The following SLC36A2 variants were observed in gnomAD, a reference collection of about 807,000 sequenced individuals.
The protein encoded by SLC36A2 is solute carrier family 36 member 2.
Under a neutral mutation model 42.7 loss-of-function variants are expected in SLC36A2, and 39 were observed. The observed-to-expected ratio is 0.91, with a 90% confidence interval of 0.71 to 1.19. SLC36A2 has a LOEUF of 1.19. Among genes scored for constraint, SLC36A2 ranks in the 50% most tolerant of loss-of-function variants. The pLI is 0.00. For missense variants in SLC36A2, 590 were observed against 613.7 expected, an observed-to-expected ratio of 0.96 and a Z score of 0.41; for synonymous variants, 237 against 240.8, an observed-to-expected ratio of 0.98 and a Z score of 0.15.
rs373850386 is a variant in SLC36A2 at position 151,322,223 on chromosome 5, A to T, written c.1011-8T>A. ...TTGACAGACTGGTACAGCCTGCAAG[A>T]CAAACCACAGAGCTGCTCTCCACGG... is the stretch of plus-strand genomic sequence containing the variant. On this transcript the variant is annotated splice_polypyrimidine_tract_variant and splice_region_variant and intron_variant, in intron 8 of 9. Coordinates refer to ENST00000335244, the MANE Select transcript of SLC36A2 (RefSeq NM_181776.3). The T allele has an allele frequency of 5.0e-6, 8 of 1,613,840 alleles. No individual in the cohort carries two copies. Among genetic ancestry groups the T allele is most frequent in the Non-Finnish European group, 6.8e-6 (8 of 1,179,914 alleles).
At chr5:151,329,505 CAA>C (rs1755939161) in intron 7 of SLC36A2, among the ~76,000 whole-genome samples, 1 of 152,112 alleles carries the variant, frequency 6.6e-6, no homozygotes, top group South Asian at 2.1e-4. Flanking sequence ...CAATATTAGG[CAA>C]AGACTTTAAA....
chr5:151,320,728 G>C (rs1287628423), intron 9 of SLC36A2, among the ~76,000 whole-genome samples: 1 of 152,232 alleles, frequency 6.6e-6, no homozygotes, highest in Non-Finnish European at 1.5e-5. Context: ...GATGGGGAAT[G>C]TGATCCCAGC....
chr5:151,337,702 T>C (rs1030484034), intron 5 of SLC36A2, among the ~76,000 whole-genome samples: 1 of 152,154 alleles, frequency 6.6e-6, no homozygotes, highest in African/African-American at 2.4e-5. Context: ...CAAAGACTTT[T>C]GTGCCAACAG....
rs1045435463 is a variant in SLC36A2, at chr5:151,322,180, C to T, written c.1046G>A (p.Gly349Asp). ...YQSVKLLYIA[G>D]ILCTYALQFY... ...CTGCAGGGCATAGGTGCACAGGATG[C>T]CGGCAATGTAGAGAAGCTTGACAGA... is the stretch of plus-strand genomic sequence containing the variant. The change falls in exon 9 of 10, where the codon GGC (glycine) becomes GAC (aspartate). Residue 349 changes from glycine (G) to aspartate (D), a missense_variant. Physicochemically the swap from Gly to Asp is moderately conservative, Grantham distance 94 (BLOSUM62 -1). Coordinates refer to ENST00000335244, the MANE Select transcript of SLC36A2 (RefSeq NM_181776.3). The T allele has an allele frequency of 6.2e-7, 1 of 1,614,076 alleles. No individual in the cohort carries two copies. The highest frequency in any genetic ancestry group is 1.1e-5 in the South Asian group (1 of 91,080).
At chr5:151,325,929 A>G (rs976260525) in intron 7 of SLC36A2, among the ~76,000 whole-genome samples, 1 of 152,218 alleles carries the variant, frequency 6.6e-6, no homozygotes, top group African/African-American at 2.4e-5. Flanking sequence ...TGCAAGCTGA[A>G]GAGTTCTGCA....
intron 1 of SLC36A2, 44 bp from the exon 2 acceptor site, chr5:151,344,311 GAGA>G (rs771549104): frequency 1.3e-6 from 2 of 1,525,912 alleles, no homozygotes; most frequent in South Asian, 2.3e-5. Context: ...GTGTGGAGGT[GAGA>G]AGATCCAGCG....
chr5:151,324,788 A>T (rs752321022), intron 8 of SLC36A2, among the ~76,000 whole-genome samples: 2 of 152,170 alleles, frequency 1.3e-5, no homozygotes, highest in Non-Finnish European at 2.9e-5. Flanking sequence ...GGTATGAGAC[A>T]TCATACTCAG....
At chr5:151,335,185 T>G in intron 6 of SLC36A2, 144 bp downstream of exon 6, 1 of 664,286 alleles carries the variant, frequency 1.5e-6, no homozygotes, top group South Asian at 1.6e-5. Context: ...GACATCCTTG[T>G]AGAAGAAATG....
At chr5:151,332,524 C>T (rs1756027331) in intron 7 of SLC36A2, 1 of 437,832 alleles carries the variant, frequency 2.3e-6, no homozygotes, top group Non-Finnish European at 4.6e-6. Context: ...ACAGTGGACG[C>T]TCTGCAATAG....
intron 7 of SLC36A2, chr5:151,332,355 AAAG>A: frequency 4.4e-6 from 2 of 453,616 alleles, no homozygotes; most frequent in South Asian, 3.1e-5. Flanking sequence ...ATGTTTCTCC[AAAG>A]AAGATGTGCA....
chr5:151,320,092 A>G (rs10050745), intron 9 of SLC36A2, among the ~76,000 whole-genome samples: 12,439 of 151,184 alleles, frequency 0.082, 788 homozygotes, highest in African/African-American at 0.17. Flanking sequence ...TCTTTTTTCT[A>G]GTAAAAAAAA....
rs1318861244 is a variant in SLC36A2 at position 151,315,602 on chromosome 5, G to C, written c.*1215C>G. 1.3e-5 allele frequency: 2 copies of C among 152,266 alleles called. No individual in the cohort carries two copies. The highest frequency in any genetic ancestry group is 2.9e-5 in the Non-Finnish European group (2 of 68,120). 9.4% of individuals were successfully genotyped at this position (152,266 alleles called of 1,614,324 possible). On this transcript the variant is annotated 3_prime_UTR_variant, in exon 10 of 10. Transcript: ENST00000335244. ...AGATTGTGCCATTGCACTCCAGCCT[G>C]GGCAACAGAGCGAGACTTCATCTCA... is the stretch of plus-strand genomic sequence containing the variant.
intron 7 of SLC36A2, among the ~76,000 whole-genome samples, chr5:151,325,655 A>T (rs1470364177): frequency 2.0e-5 from 3 of 152,344 alleles, no homozygotes; most frequent in South Asian, 4.1e-4. Flanking sequence ...ATGGATACAC[A>T]AAATGTGGGT....
rs556896093 is a variant in SLC36A2 at position 151,335,458 on chromosome 5, C to A, written c.615G>T (p.Met205Ile). The change falls in exon 6 of 10, where the codon ATG (methionine) becomes ATT (isoleucine). Residue 205 changes from methionine (M) to isoleucine (I), a missense_variant. Coordinates refer to ENST00000335244, the MANE Select transcript of SLC36A2 (RefSeq NM_181776.3). ...LTPTMDSRLYMLSFLPFLVLL... is the reference protein window; with the variant it reads ...LTPTMDSRLYILSFLPFLVLL... ...GCACCAGGAAGGGCAGGAAGGAGAG[C>A]ATGTAGAGTCGCGAGTCCATGGTGG... 14 of 1,614,086 alleles carry A rather than the reference C, an allele frequency of 8.7e-6. No individual in the cohort carries two copies. The African/African-American group carries it at 1.1e-4, about 12-fold the overall frequency.
At chr5:151,342,346 C>T (rs535772363) in intron 4 of SLC36A2, among the ~76,000 whole-genome samples, 1 of 152,236 alleles carries the variant, frequency 6.6e-6, no homozygotes, top group African/African-American at 2.4e-5. Context: ...CCCTCCAGGC[C>T]CCTGTCCACC....
Position 151,316,688 on chromosome 5 carries a change from T to G in SLC36A2, c.*129A>C. ...CCAGGAGGCCGAAGTTGTGGTGAGC[T>G]GAGATCGCATCATTGTACTCCAGTC... On this transcript the variant is annotated 3_prime_UTR_variant, in exon 10 of 10. Transcript: ENST00000335244. The G allele has an allele frequency of 8.5e-7, 1 of 1,176,098 alleles. No individual in the cohort carries two copies. Among genetic ancestry groups the G allele is most frequent in the Non-Finnish European group, 1.2e-6 (1 of 864,744 alleles). The allele number at this position is 1,176,098 out of a possible 1,614,324, so 72.9% of individuals were successfully genotyped here.
At chr5:151,323,066 C>T (rs1372556072) in intron 8 of SLC36A2, among the ~76,000 whole-genome samples, 2 of 152,016 alleles carry the variant, frequency 1.3e-5, no homozygotes, top group Non-Finnish European at 2.9e-5. Flanking sequence ...CGAAACCCTA[C>T]CACTACCAAA....
Position 151,322,727 on chromosome 5 carries a change from A to T in SLC36A2, c.1011-512T>A, listed in dbSNP as rs142476240. ...CAGAATCCCAAATCCTTGGAAGAAG[A>T]GACAGTTTATAAATAGGGTTGTGTG... On this transcript the variant is annotated intron_variant, in intron 8 of 9. Transcript: ENST00000335244. 3.0e-4 allele frequency among the ~76,000 whole-genome samples: 45 copies of T among 152,330 alleles called. No homozygotes were observed. In the East Asian group the frequency reaches 6.9e-3, roughly 24 times the overall value.
At chr5:151,330,617 C>T (rs1230181931) in intron 7 of SLC36A2, among the ~76,000 whole-genome samples, 3 of 152,166 alleles carry the variant, frequency 2.0e-5, no homozygotes, top group African/African-American at 7.2e-5. Context: ...GAAAGAGCGA[C>T]AGAAATGGTA....
Sources: allele counts gnomAD v4.1 joint callset (sites outside exome capture counted in the v4.1 genomes callset), GRCh38; gene constraint gnomAD v4.1.1; transcripts MANE v1.5; gene names NCBI Gene and HGNC (gene_info 2026-07-23, HGNC 2026-07-21).